Variants in CLIP1 observed in about 807,000 individuals in gnomAD.
CLIP1 encodes the protein CAP-Gly domain containing linker protein 1, also known as CAP-Gly domain-containing linker protein 1.
Under a neutral mutation model 161.6 loss-of-function variants are expected in CLIP1, and 66 were observed. The observed-to-expected ratio is 0.41, with a 90% confidence interval of 0.33 to 0.50. The LOEUF is 0.50. Among genes scored for constraint, CLIP1 ranks in the 20% least tolerant of loss-of-function variants. The pLI is 0.27. For synonymous variants in CLIP1, 598 were observed against 626.2 expected, an observed-to-expected ratio of 0.96 and a Z score of 0.67; for missense variants, 1,376 against 1,702.0, an observed-to-expected ratio of 0.81 and a Z score of 3.37.
chr12:122,358,247 C>G (rs527959256), intron 5 of CLIP1, among the ~76,000 whole-genome samples: 2 of 151,058 alleles, frequency 1.3e-5, no homozygotes, highest in South Asian at 2.1e-4. Flanking sequence ...GCAGCATGCT[C>G]GTTAAGAGTC....
chr12:122,354,436 A>G lies in CLIP1; in HGVS notation c.1307+17T>C. 6.2e-7 allele frequency: 1 copy of G among 1,603,410 alleles called. No homozygotes were observed. Among genetic ancestry groups the G allele is most frequent in the Non-Finnish European group, 8.5e-7 (1 of 1,171,158 alleles). ...GGGGAAAGGCCACACTTGCACCAGG[A>G]AACAGTCTGGGGTCACCTTTTCTCC... is the stretch of plus-strand genomic sequence containing the variant. On this transcript the variant is annotated intron_variant, in intron 7 of 25. Coordinates refer to ENST00000620786, the MANE Select transcript of CLIP1 (RefSeq NM_001247997.2).
intron 1 of CLIP1, 113 bp from the exon 2 acceptor site, chr12:122,380,671 G>A (rs550583714): frequency 2.8e-6 from 1 of 363,196 alleles, no homozygotes; most frequent in South Asian, 5.8e-5. Flanking sequence ...CCATCTCCAG[G>A]CTGAACCTAG....
Position 122,355,502 on chromosome 12 carries a change from A to C in CLIP1, c.1006-190T>G. 1 of 585,602 alleles carries C rather than the reference A, an allele frequency of 1.7e-6. No homozygotes were observed. 36.3% of individuals were successfully genotyped at this position (585,602 alleles called of 1,614,324 possible). ...GTGCCTTCTGTCTATAAATCTCACA[A>C]AGAATACATCAACGTAAAGAGATCA... On this transcript the variant is annotated intron_variant, in intron 5 of 25. Transcript: ENST00000620786. The surrounding 1 kb of genome is among the most constrained non-coding windows in gnomAD (Gnocchi z 4.1).
intron 15 of CLIP1, among the ~76,000 whole-genome samples, chr12:122,332,188 G>A (rs868636256): frequency 3.1e-4 from 47 of 151,106 alleles, no homozygotes; most frequent in African/African-American, 2.4e-4. Flanking sequence ...TCAGCTACTC[G>A]GGAGGCTGAA....
At chr12:122,284,103 T>G (rs768990364) in intron 21 of CLIP1, among the ~76,000 whole-genome samples, 1 of 152,160 alleles carries the variant, frequency 6.6e-6, no homozygotes, top group Non-Finnish European at 1.5e-5. Context: ...TTATCTAAAA[T>G]CCATTTACAT....
At chr12:122,281,080 CA>C in intron 21 of CLIP1, among the ~76,000 whole-genome samples, 1 of 152,284 alleles carries the variant, frequency 6.6e-6, no homozygotes, top group Admixed American at 6.5e-5. Flanking sequence ...TGACTTATGG[CA>C]AATTGAAACT....
In CLIP1 at chr12:122,355,009, T is replaced by C. The variant is rs938742973; in HGVS notation, c.1203+106A>G. On this transcript the variant is annotated intron_variant, in intron 6 of 25. Coordinates refer to ENST00000620786, the MANE Select transcript of CLIP1 (RefSeq NM_001247997.2). This position sits in a 1 kb window ranked among gnomAD's most constrained non-coding sequence, Gnocchi z 4.1. The stretch of plus-strand genomic sequence containing the variant: ...AGCAAAGAAATGTACACCCATTTCT[T>C]GTGCTCTCAAGTCTAGCTCCTCGGT... The C allele has an allele frequency of 2.3e-5, 22 of 957,696 alleles. No homozygotes were observed. In the East Asian group the frequency reaches 5.1e-4, roughly 22 times the overall value. 59.3% of individuals were successfully genotyped at this position (957,696 alleles called of 1,614,324 possible). A position where few individuals can be genotyped will look rare whatever the true frequency, so the allele number is the denominator to read the frequency against.
chr12:122,388,645 C>A (rs1479609745), intron 1 of CLIP1, among the ~76,000 whole-genome samples: 2 of 151,750 alleles, frequency 1.3e-5, no homozygotes, highest in Non-Finnish European at 2.9e-5. Context: ...GGTAGCTCAC[C>A]GCACCCTTTG....
chr12:122,362,472 C>G (rs1201063098), intron 4 of CLIP1, among the ~76,000 whole-genome samples: 2 of 149,774 alleles, frequency 1.3e-5, no homozygotes, highest in Non-Finnish European at 3.0e-5. Context: ...GAAACCCAGT[C>G]TCTACTAAAA....
At chr12:122,352,698 A>T in intron 8 of CLIP1, 28 bp downstream of exon 8, 2 of 1,591,744 alleles carry the variant, frequency 1.3e-6, no homozygotes, top group Non-Finnish European at 1.7e-6. Flanking sequence ...TACCCATAAA[A>T]GCTGTAAGAG....
intron 21 of CLIP1, among the ~76,000 whole-genome samples, chr12:122,281,571 TTGTTGTCCC>T (rs2136238511): frequency 6.6e-6 from 1 of 151,774 alleles, no homozygotes; most frequent in South Asian, 2.1e-4. Context: ...CAGCGCATGC[TTGTTGTCCC>T]AGCTACTAGG....
At chr12:122,399,987 G>T (rs978961390) in intron 1 of CLIP1, 1 of 152,040 alleles carries the variant, frequency 6.6e-6, no homozygotes, top group Non-Finnish European at 1.5e-5. Flanking sequence ...CATATTCCTG[G>T]GTTTGGGAGG....
At position 122,361,056 on chromosome 12, in the gene CLIP1, G is replaced by C; in HGVS notation, c.908C>G (p.Thr303Arg). The C allele has an allele frequency of 1.9e-6, 3 of 1,614,244 alleles. No homozygotes were observed. The highest frequency in any genetic ancestry group is 2.5e-6 in the Non-Finnish European group (3 of 1,180,044). ...AGGGCTGCGCTTCAGGCTGGCGGAC[G>C]TGGTCGCCATCACTCGCCTCACTGC... ...ANAVRRVMAT[T>R]SASLKRSPSA... Residue 303 changes from threonine to arginine, a missense_variant, in exon 5 of 26, where the codon ACG becomes AGG. By Grantham distance (71) the Thr-to-Arg change is moderately conservative. Coordinates refer to ENST00000620786, the MANE Select transcript of CLIP1 (RefSeq NM_001247997.2).
chr12:122,272,947 T>C lies in CLIP1; in HGVS notation c.4245A>G (p.Glu1415=). 1 of 1,614,160 alleles carries C rather than the reference T, an allele frequency of 6.2e-7. No individual in the cohort carries two copies. Among genetic ancestry groups the C allele is most frequent in the Non-Finnish European group, 8.5e-7 (1 of 1,180,032 alleles). ...HSTHHGSRGE[E]RPYCEICEMF... ...TCTCACAGATTTCACAGTATGGGCG[T>C]TCCTCACCCCGACTGCCATGGTGTG... Residue 1415 remains glutamate, a synonymous_variant, in exon 26 of 26, where the codon GAA becomes GAG. Coordinates refer to ENST00000620786, the MANE Select transcript of CLIP1 (RefSeq NM_001247997.2).
At chr12:122,405,662 C>A (rs1445016718) in intron 1 of CLIP1, among the ~76,000 whole-genome samples, 1 of 151,618 alleles carries the variant, frequency 6.6e-6, no homozygotes, top group African/African-American at 2.4e-5. Flanking sequence ...GTGGTACACA[C>A]CTATAATCCC....
chr12:122,400,598 T>C (rs1238171653), intron 1 of CLIP1: 1 of 152,206 alleles, frequency 6.6e-6, no homozygotes, highest in East Asian at 1.9e-4. Context: ...CCTCTCTTCC[T>C]TCTCTGGACT....
chr12:122,405,725 T>TCTC lies in CLIP1; in HGVS notation c.-107+16795_-107+16796insGAG, dbSNP rs1309300414. 2.7e-5 allele frequency among the ~76,000 whole-genome samples: 4 copies of TCTC among 150,466 alleles called. No homozygotes were observed. The South Asian group carries it at 6.3e-4, about 24-fold the overall frequency. On this transcript the variant is annotated intron_variant, in intron 1 of 25. Coordinates refer to ENST00000620786, the MANE Select transcript of CLIP1 (RefSeq NM_001247997.2). ...ATCACTTGAGCAAGGGAGGCAGAGG[T>TCTC]TGCAGTGAGCAGAGATCATGCCACC... is the stretch of plus-strand genomic sequence containing the variant.
intron 11 of CLIP1, among the ~76,000 whole-genome samples, chr12:122,339,728 T>C (rs952168690): frequency 2.0e-5 from 3 of 152,162 alleles, no homozygotes; most frequent in African/African-American, 7.2e-5. Context: ...AACCAGGATA[T>C]CTTATGAGAA....
At chr12:122,371,422 C>G (rs1954442950) in intron 3 of CLIP1, among the ~76,000 whole-genome samples, 1 of 152,156 alleles carries the variant, frequency 6.6e-6, no homozygotes, top group Admixed American at 6.6e-5. Context: ...GAAACCACCG[C>G]CCAATTACTG....
Sources: allele counts gnomAD v4.1 joint callset (sites outside exome capture counted in the v4.1 genomes callset), GRCh38; gene constraint gnomAD v4.1.1; non-coding constraint Gnocchi (gnomAD v3.1); transcripts MANE v1.5; gene names NCBI Gene and HGNC (gene_info 2026-07-23, HGNC 2026-07-21).